The following MCCC1 variants were observed in gnomAD, a reference collection of about 807,000 sequenced individuals.
MCCC1 encodes methylcrotonoyl-CoA carboxylase subunit alpha, mitochondrial.
A neutral mutation model predicts 83.8 loss-of-function variants in MCCC1; 64 were observed. The observed-to-expected ratio is 0.76, with a 90% CI of 0.62 to 0.94. MCCC1 has a LOEUF of 0.94. Ranked by LOEUF, MCCC1 falls within the 40% of genes least tolerant of loss-of-function variation. MCCC1 has a pLI of 0.00. For missense variants in MCCC1, 807 were observed against 904.7 expected (o/e 0.89, Z 1.39); for synonymous variants, 322 against 315.4 (o/e 1.02, Z -0.22).
chr3:183,032,387 G>T (rs1054480312), intron 14 of MCCC1, among the ~76,000 whole-genome samples: 1 of 152,130 alleles, frequency 6.6e-6, no homozygotes, highest in Non-Finnish European at 1.5e-5. Flanking sequence ...AGATTTGGGG[G>T]GTTGTATTTT....
At chr3:183,080,837 C>T (rs1717436139) in intron 4 of MCCC1, among the ~76,000 whole-genome samples, 1 of 152,190 alleles carries the variant, frequency 6.6e-6, no homozygotes, top group South Asian at 2.1e-4. Flanking sequence ...TGGATGGCGG[C>T]AGGCAAAGAG....
At chr3:183,086,942 T>C (rs543397396) in intron 3 of MCCC1, among the ~76,000 whole-genome samples, 154 bp from the exon 4 acceptor site, 9 of 152,220 alleles carry the variant, frequency 5.9e-5, no homozygotes, top group Non-Finnish European at 1.3e-4. Flanking sequence ...TACCAATGTA[T>C]GTCTACACTA....
At chr3:183,061,817 GT>G (rs1004173312) in intron 7 of MCCC1, among the ~76,000 whole-genome samples, 1 of 152,160 alleles carries the variant, frequency 6.6e-6, no homozygotes, top group African/African-American at 2.4e-5. Context: ...TGAAGTGTTT[GT>G]TTTTCTAATT....
At chr3:183,103,889 C>A (rs1208585270), upstream of MCCC1, among the ~76,000 whole-genome samples, 2 of 152,198 alleles carry the variant, frequency 1.3e-5, 1 homozygote, top group Non-Finnish European at 2.9e-5. Context: ...GAGCCCTGCC[C>A]CGCGGGGAGG....
intron 3 of MCCC1, among the ~76,000 whole-genome samples, chr3:183,088,016 C>A (rs7611168): frequency 6.6e-6 from 1 of 151,796 alleles, no homozygotes; most frequent in African/African-American, 2.4e-5. Context: ...ACTGGTCCAG[C>A]TGAGTGACCG....
chr3:183,057,811 G>T (rs1230140653), intron 7 of MCCC1, among the ~76,000 whole-genome samples: 1 of 152,200 alleles, frequency 6.6e-6, no homozygotes, highest in Non-Finnish European at 1.5e-5. Context: ...GGTTGTGGTT[G>T]CAGTGAGCTG....
intron 4 of MCCC1, among the ~76,000 whole-genome samples, chr3:183,084,419 C>G (rs540231419): frequency 6.6e-6 from 1 of 152,176 alleles, no homozygotes; most frequent in Non-Finnish European, 1.5e-5. Flanking sequence ...CTCCTAAGGA[C>G]ATGTGAGATA....
chr3:183,099,464 T>C lies in MCCC1; in HGVS notation c.-24A>G, dbSNP rs11540930. On this transcript the variant is annotated 5_prime_UTR_variant, in exon 1 of 19. Transcript: ENST00000265594. ...ATGTCCCTGGAGCCCGGCCACTCCG[T>C]GACTCCCCAGTACAGAGGCAGCTGC... The C allele has an allele frequency of 1.3e-3, 2,132 of 1,592,920 alleles. 25 individuals are homozygous for C. The African/African-American group carries it at 0.025, about 18-fold the overall frequency.
rs533005729 is a variant in MCCC1, at chr3:183,019,587, A to C, written c.1977+543T>G. Among the ~76,000 whole-genome samples the C allele has an allele frequency of 2.1e-4, 32 of 152,288 alleles. No homozygotes were observed. The East Asian group carries it at 2.7e-3, about 13-fold the overall frequency. ...ATTTCCCAGCCTCTAGAATCGTGAG[A>C]AATAAATTTCTATTGTTTAAAAGCC... On this transcript the variant is annotated intron_variant, in intron 17 of 18. Coordinates refer to ENST00000265594, the MANE Select transcript of MCCC1 (RefSeq NM_020166.5).
upstream of MCCC1, among the ~76,000 whole-genome samples, chr3:183,103,783 G>A (rs1238776958): frequency 2.0e-5 from 3 of 152,218 alleles, no homozygotes; most frequent in African/African-American, 4.8e-5. Context: ...GGGACTGGGC[G>A]CTGTGGAGCA....
chr3:183,063,367 T>C lies in MCCC1; in HGVS notation c.762-5945A>G, dbSNP rs116485396. 6.2e-3 allele frequency among the ~76,000 whole-genome samples: 941 copies of C among 152,330 alleles called. 3 individuals carry two copies. Among genetic ancestry groups the C allele is most frequent in the Non-Finnish European group, 8.6e-3 (587 of 68,028 alleles). On this transcript the variant is annotated intron_variant, in intron 7 of 18. Coordinates refer to ENST00000265594, the MANE Select transcript of MCCC1 (RefSeq NM_020166.5). The stretch of plus-strand genomic sequence containing the variant: ...ATTTGTTTTTTCTTCCAAAATAGTA[T>C]ACTTTAAAGGTGGTTTCTTATCCCA...
At chr3:183,109,724 G>A (rs1230127637) in intron 1 of MCCC1, among the ~76,000 whole-genome samples, 7 of 152,186 alleles carry the variant, frequency 4.6e-5, no homozygotes, top group African/African-American at 1.4e-4. Context: ...ATATGAGTGT[G>A]TGTGTCTCTT....
intron 1 of MCCC1, among the ~76,000 whole-genome samples, chr3:183,110,229 G>A (rs1719470940): frequency 6.6e-6 from 1 of 152,118 alleles, no homozygotes; most frequent in Admixed American, 6.6e-5. Flanking sequence ...CTTTTGCTGT[G>A]TAGAAGCTCT....
intron 17 of MCCC1, among the ~76,000 whole-genome samples, chr3:183,018,771 C>T (rs1252250289): frequency 6.6e-6 from 1 of 152,134 alleles, no homozygotes; most frequent in Non-Finnish European, 1.5e-5. Flanking sequence ...GACTGGTTTT[C>T]TTGTTTTGGG....
rs1716076633 is a variant in MCCC1 at position 183,064,322 on chromosome 3, T to A, written c.761+6677A>T. Among the ~76,000 whole-genome samples the A allele has an allele frequency of 6.6e-6, 1 of 152,158 alleles. No homozygotes were observed. Among genetic ancestry groups the A allele is most frequent in the Admixed American group, 6.5e-5 (1 of 15,286 alleles). ...TAACTCTGTATTCCCACAAGTGGTA[T>A]ATATCGTAAATATTAAAATGATCAT... On this transcript the variant is annotated intron_variant, in intron 7 of 18. Transcript: ENST00000265594. The surrounding 1 kb of genome is among the most constrained non-coding windows in gnomAD (Gnocchi z 4.5).
chr3:183,097,621 T>C (rs1718836163), intron 1 of MCCC1, among the ~76,000 whole-genome samples: 1 of 152,064 alleles, frequency 6.6e-6, no homozygotes, highest in Admixed American at 6.6e-5. Context: ...TCTTGAACTC[T>C]TGAACTCAAG....
intron 8 of MCCC1, among the ~76,000 whole-genome samples, chr3:183,056,763 G>A (rs1715450359): frequency 6.6e-6 from 1 of 152,000 alleles, no homozygotes; most frequent in Admixed American, 6.5e-5. Flanking sequence ...GCGTGATCTC[G>A]GCTCACTGCA....
At chr3:183,087,049 C>A (rs1178157789) in intron 3 of MCCC1, among the ~76,000 whole-genome samples, 1 of 152,072 alleles carries the variant, frequency 6.6e-6, no homozygotes, top group Non-Finnish European at 1.5e-5. Flanking sequence ...TAAAGTGTCT[C>A]AGGATAAAAA....
intron 4 of MCCC1, among the ~76,000 whole-genome samples, chr3:183,074,702 T>C (rs1716937544): frequency 6.6e-6 from 1 of 152,218 alleles, no homozygotes; most frequent in South Asian, 2.1e-4. Context: ...GTTTTATATC[T>C]TTTAAACCAA....
Sources: gnomAD v4.1 joint callset for allele counts (sites outside exome capture counted in the v4.1 genomes callset) on GRCh38, gnomAD v4.1.1 for gene constraint, Gnocchi (gnomAD v3.1) non-coding constraint, MANE v1.5 for transcripts, NCBI Gene and HGNC (gene_info 2026-07-23, HGNC 2026-07-21) for gene names.